The following STPG2 variants were observed in gnomAD, a reference collection of about 807,000 sequenced individuals.
STPG2 encodes sperm tail PG-rich repeat containing 2, also known as sperm-tail PG-rich repeat-containing protein 2.
STPG2 carries 56 observed loss-of-function variants against 54.2 expected under a neutral mutation model. The ratio of observed to expected loss-of-function variants is 1.03; its 90% CI spans 0.83 to 1.29. The LOEUF is 1.29. Among genes scored for constraint, STPG2 ranks in the 50% most tolerant of loss-of-function variants. The pLI, the probability that STPG2 is intolerant of heterozygous loss-of-function variation, is 0.00. For missense variants in STPG2, 596 were observed against 544.9 expected (o/e 1.09, Z -0.93); for synonymous variants, 200 against 181.8 (o/e 1.10, Z -0.81).
chr4:98,038,919 T>C (rs1442452801), intron 5 of STPG2, among the ~76,000 whole-genome samples: 9 of 151,842 alleles, frequency 5.9e-5, no homozygotes, highest in Admixed American at 5.3e-4. Context: ...TCAACTTACA[T>C]AGTAAAAAGA....
At chr4:98,022,069 G>T (rs2149292125) in intron 5 of STPG2, among the ~76,000 whole-genome samples, 1 of 152,082 alleles carries the variant, frequency 6.6e-6, no homozygotes, top group East Asian at 1.9e-4. Context: ...TATGATGTTA[G>T]CTGGTTATTT....
chr4:98,040,113 G>A (rs908890119), intron 5 of STPG2, among the ~76,000 whole-genome samples: 1 of 151,696 alleles, frequency 6.6e-6, no homozygotes, highest in Non-Finnish European at 1.5e-5. Context: ...TTGGCCACTT[G>A]TATATCTTCT....
intron 8 of STPG2, among the ~76,000 whole-genome samples, chr4:97,856,805 T>C (rs1295192607): frequency 6.6e-6 from 1 of 152,222 alleles, no homozygotes; most frequent in Non-Finnish European, 1.5e-5. Context: ...TTGTCATACA[T>C]GGCTCTCATT....
In STPG2 at chr4:98,143,229, A is replaced by G. The variant is rs1740354694; in HGVS notation, c.-79T>C. 2 of 1,098,002 alleles carry G rather than the reference A, an allele frequency of 1.8e-6. No individual in the cohort carries two copies. The highest frequency in any genetic ancestry group is 2.6e-6 in the Non-Finnish European group (2 of 756,708). 68.0% of individuals were successfully genotyped at this position (1,098,002 alleles called of 1,614,324 possible). ...AACAAGGTAGCTAGAAGTGTGGAGA[A>G]AAAGGAAGCCGACACCAGTCTGAGG... On this transcript the variant is annotated 5_prime_UTR_variant, in exon 1 of 11. Transcript: ENST00000295268.
intron 7 of STPG2, among the ~76,000 whole-genome samples, chr4:97,949,451 T>C (rs1733378501): frequency 6.6e-6 from 1 of 152,118 alleles, no homozygotes; most frequent in Non-Finnish European, 1.5e-5. Context: ...CCAATCAACA[T>C]GTGAATTGTT....
intron 4 of STPG2, among the ~76,000 whole-genome samples, chr4:97,481,173 C>A (rs1295636764): frequency 6.6e-6 from 1 of 151,504 alleles, no homozygotes; most frequent in Non-Finnish European, 1.5e-5. Flanking sequence ...TATTGAATAA[C>A]TTTAGCATCT....
At chr4:97,898,880 T>C (rs1731061553) in intron 8 of STPG2, among the ~76,000 whole-genome samples, 1 of 151,606 alleles carries the variant, frequency 6.6e-6, no homozygotes, top group Non-Finnish European at 1.5e-5. Flanking sequence ...ATTTGTATAA[T>C]GAAAATGAAA....
At chr4:98,025,734 A>C in intron 5 of STPG2, 1 of 1,538,892 alleles carries the variant, frequency 6.5e-7, no homozygotes, top group Non-Finnish European at 8.9e-7. Context: ...GGCATGGACA[A>C]GATCTATGAA....
At chr4:97,684,853 A>C (rs1723140431) in intron 10 of STPG2, among the ~76,000 whole-genome samples, 1 of 151,984 alleles carries the variant, frequency 6.6e-6, no homozygotes, top group African/African-American at 2.4e-5. Context: ...TATATATTTT[A>C]AACAAAGGAC....
intron 4 of STPG2, among the ~76,000 whole-genome samples, chr4:97,544,940 C>T (rs910873817): frequency 3.3e-5 from 5 of 152,002 alleles, no homozygotes; most frequent in Non-Finnish European, 7.4e-5. Flanking sequence ...TCTGGTACTA[C>T]GAATGACATA....
At chr4:98,069,046 G>C (rs779636018) in intron 5 of STPG2, among the ~76,000 whole-genome samples, 11 of 151,956 alleles carry the variant, frequency 7.2e-5, no homozygotes, top group Non-Finnish European at 1.0e-4. Context: ...CTGAATTTCA[G>C]AATTTAAGTA....
intron 9 of STPG2, among the ~76,000 whole-genome samples, chr4:97,771,279 T>G (rs542439777): frequency 6.6e-6 from 1 of 152,214 alleles, no homozygotes; most frequent in East Asian, 1.9e-4. Flanking sequence ...TATGAAGAAT[T>G]ATTAAACTAT....
chr4:97,919,733 T>C (rs1732025965), intron 8 of STPG2, among the ~76,000 whole-genome samples: 1 of 152,180 alleles, frequency 6.6e-6, no homozygotes, highest in South Asian at 2.1e-4. Context: ...TATAAATATT[T>C]AAGAAAGAAT....
intron 8 of STPG2, among the ~76,000 whole-genome samples, chr4:97,892,649 A>G (rs1051758108): frequency 2.6e-5 from 4 of 152,198 alleles, no homozygotes; most frequent in African/African-American, 9.6e-5. Flanking sequence ...AAAACAACCT[A>G]GGTGGAAATT....
chr4:97,781,619 G>A (rs950145945), intron 9 of STPG2, among the ~76,000 whole-genome samples: 3 of 152,006 alleles, frequency 2.0e-5, no homozygotes, highest in African/African-American at 7.2e-5. Flanking sequence ...GCCTGGAAAA[G>A]ACACAACAAA....
At chr4:97,645,232 A>T (rs368391501) in intron 10 of STPG2, among the ~76,000 whole-genome samples, 1 of 151,348 alleles carries the variant, frequency 6.6e-6, no homozygotes, top group Non-Finnish European at 1.5e-5. Flanking sequence ...AAAAAAAAAA[A>T]TCCCCACTCA....
intron 5 of STPG2, among the ~76,000 whole-genome samples, chr4:98,093,740 T>G (rs1476525962): frequency 2.0e-5 from 3 of 152,184 alleles, no homozygotes; most frequent in Non-Finnish European, 4.4e-5. Context: ...CAGTACATTT[T>G]GGAGAGGCAA....
At chr4:97,597,769 C>A (rs868368717) in intron 10 of STPG2, among the ~76,000 whole-genome samples, 1 of 152,032 alleles carries the variant, frequency 6.6e-6, no homozygotes, top group Non-Finnish European at 1.5e-5. Context: ...AAACCCACAA[C>A]CTACATCATA....
chr4:97,539,717 C>T (rs1262016391), intron 4 of STPG2, among the ~76,000 whole-genome samples: 4 of 152,270 alleles, frequency 2.6e-5, no homozygotes, highest in Admixed American at 1.3e-4. Flanking sequence ...CAGACATCTA[C>T]AGAACTCTCC....
Sources: gnomAD v4.1 joint callset for allele counts (sites outside exome capture counted in the v4.1 genomes callset) on GRCh38, gnomAD v4.1.1 for gene constraint, MANE v1.5 for transcripts, NCBI Gene and HGNC (gene_info 2026-07-23, HGNC 2026-07-21) for gene names.